Variants in RIF1 observed in about 807,000 individuals in gnomAD.
RIF1 encodes replication timing regulatory factor 1.
Under a neutral mutation model 247.1 loss-of-function variants are expected in RIF1, and 45 were observed. The observed-to-expected ratio is 0.18, with a 90% confidence interval of 0.14 to 0.23. The LOEUF is 0.23. Ranked by LOEUF, RIF1 falls within the 10% of genes least tolerant of loss-of-function variation. The probability of loss-of-function intolerance (pLI) is 1.00; values close to 1 mark genes in which losing one functional copy is unlikely to be tolerated. For missense variants in RIF1, 2,967 were observed against 2,862.5 expected, an observed-to-expected ratio of 1.04 and a Z score of -0.83; for synonymous variants, 1,087 against 978.8, an observed-to-expected ratio of 1.11 and a Z score of -2.06.
the RIF1 span, chr2:151,524,573 G>A: frequency 6.2e-7 from 1 of 1,607,832 alleles, no homozygotes; most frequent in Non-Finnish European, 8.5e-7. Context: ...ATCAGCCACT[G>A]TGGTGTAATG....
chr2:151,493,950 A>T, intron 9 of RIF1: 1 of 1,005,138 alleles, frequency 9.9e-7, no homozygotes, highest in Non-Finnish European at 1.5e-6. Context: ...GGGAAATGTT[A>T]TGTTTAATCT....
At position 151,496,976 on chromosome 2, in the gene RIF1, C is replaced by A; in HGVS notation, c.*513+1650C>A. 1.9e-6 allele frequency: 3 copies of A among 1,581,358 alleles called. No individual in the cohort carries two copies. Among genetic ancestry groups the A allele is most frequent in the African/African-American group, 1.3e-5 (1 of 74,462 alleles). On this transcript the variant is annotated intron_variant and NMD_transcript_variant, in intron 10 of 13. Coordinates refer to the RIF1 transcript ENST00000454583. Reference sequence around the variant, plus strand: ...TTTTCTTGATTGTGTTTGACTCTCTCCATCTCAGGAGTGACAGGTAGAGGG... The same window carrying A: ...TTTTCTTGATTGTGTTTGACTCTCTACATCTCAGGAGTGACAGGTAGAGGG...
the RIF1 span, chr2:151,518,464 T>C: frequency 6.6e-6 from 8 of 1,203,102 alleles, no homozygotes; most frequent in South Asian, 9.9e-5. Context: ...ATGGAGAAGC[T>C]GCTCAGCATT....
chr2:151,527,064 C>T, the RIF1 span: 1 of 1,339,740 alleles, frequency 7.5e-7, no homozygotes, highest in Non-Finnish European at 1.0e-6. Context: ...AGGGTGACAG[C>T]ACAGGAGGAA....
chr2:151,514,848 A>G, the RIF1 span: 71 of 1,585,022 alleles, frequency 4.5e-5, no homozygotes, highest in East Asian at 1.6e-3. Flanking sequence ...CATATTTGAC[A>G]TGTAACAAAG....
At chr2:151,519,790 C>A in the RIF1 span, 1 of 1,463,242 alleles carries the variant, frequency 6.8e-7, no homozygotes, top group South Asian at 1.1e-5. Flanking sequence ...TGCAAACATC[C>A]AAATTATTCC....
At chr2:151,421,653 T>G (rs919937878) in intron 7 of RIF1, among the ~76,000 whole-genome samples, 3 of 152,004 alleles carry the variant, frequency 2.0e-5, no homozygotes, top group Admixed American at 2.0e-4. Flanking sequence ...CAAGCAATCC[T>G]CCCACTTCAC....
intron 7 of RIF1, among the ~76,000 whole-genome samples, chr2:151,422,504 ATT>A (rs780843381): frequency 2.1e-5 from 3 of 141,134 alleles, no homozygotes; most frequent in Non-Finnish European, 3.1e-5. Context: ...TTTTGGGAAA[ATT>A]TTTTTTTTTT....
intron 13 of RIF1, 129 bp from the exon 14 acceptor site, chr2:151,438,555 A>G (rs994474817): frequency 3.0e-6 from 2 of 663,632 alleles, no homozygotes; most frequent in South Asian, 1.7e-5. Flanking sequence ...GTTGAGTATC[A>G]TGAGGAAAAT....
chr2:151,410,312 CCCGGGCGGGCGTGCGGGTGTGAGGG>C lies in RIF1; in HGVS notation c.-10-97_-10-73del, dbSNP rs1685917208. ...GTGCAGACGCGGCGTGGCTGTGAGG[CCCGGGCGGGCGTGCGGGTGTGAGGG>C]CCGGACTCACACTGGGCCGCCGCGG... On this transcript the variant is annotated intron_variant, in intron 1 of 35. Coordinates refer to ENST00000444746, the MANE Select transcript of RIF1 (RefSeq NM_018151.5). 4 of 874,160 alleles carry C rather than the reference CCCGGGCGGGCGTGCGGGTGTGAGGG, an allele frequency of 4.6e-6. No homozygotes were observed. In the Admixed American group the frequency reaches 6.6e-5, roughly 14 times the overall value. 54.2% of individuals were successfully genotyped at this position (874,160 alleles called of 1,614,324 possible).
chr2:151,518,406 T>G, the RIF1 span: 1 of 1,607,122 alleles, frequency 6.2e-7, no homozygotes, highest in Non-Finnish European at 8.5e-7. Context: ...CTTCTCATAC[T>G]TCTTCTTGTA....
rs140911493 is a variant in RIF1 at position 151,422,148 on chromosome 2, C to T, written c.694-802C>T. Among the ~76,000 whole-genome samples, 246 of 152,118 alleles carry T rather than the reference C, an allele frequency of 1.6e-3. 2 individuals are homozygous for T. The South Asian group carries it at 0.029, about 18-fold the overall frequency. ...CCTGACCATAAAATTCTTTCTTTAA[C>T]CCATTTATCAAGCTTGCAACAAAGC... On this transcript the variant is annotated intron_variant, in intron 7 of 35. Coordinates refer to ENST00000444746, the MANE Select transcript of RIF1 (RefSeq NM_018151.5).
intron 10 of RIF1, among the ~76,000 whole-genome samples, chr2:151,434,437 A>ATTTTTTTTTT (rs754795986): frequency 3.5e-4 from 37 of 107,014 alleles, no homozygotes; most frequent in East Asian, 5.7e-4. Context: ...TGGTTTTTGA[A>ATTTTTTTTTT]TTTTTTTTTT....
At chr2:151,471,523 A>G (rs2048523955) in intron 34 of RIF1, among the ~76,000 whole-genome samples, 1 of 152,166 alleles carries the variant, frequency 6.6e-6, no homozygotes, top group Non-Finnish European at 1.5e-5. Context: ...TAAATCTTTA[A>G]TCCATCTTGA....
At chr2:151,429,516 T>A (rs1422530618) in intron 9 of RIF1, among the ~76,000 whole-genome samples, 1 of 152,190 alleles carries the variant, frequency 6.6e-6, no homozygotes, top group African/African-American at 2.4e-5. Flanking sequence ...AGCACTGAGT[T>A]GAGTACTTTA....
rs571935637 is a variant in RIF1 at position 151,493,411 on chromosome 2, G to A, written c.*416-1818G>A. On this transcript the variant is annotated intron_variant and NMD_transcript_variant, in intron 9 of 13. Transcript: ENST00000454583. ...CTCCATCTCTGGAGTAACAGGTGTC[G>A]GAGTTGCTTTTCTCATGTTCTCTTT... The A allele has an allele frequency of 5.4e-5, 87 of 1,608,098 alleles. No homozygotes were observed. Among genetic ancestry groups the A allele is most frequent in the South Asian group, 5.4e-4 (48 of 89,234 alleles).
chr2:151,439,311 T>C (rs984589533), intron 14 of RIF1, among the ~76,000 whole-genome samples: 1 of 152,118 alleles, frequency 6.6e-6, no homozygotes, highest in Non-Finnish European at 1.5e-5. Context: ...ATTGTTGATT[T>C]AGAAAAAATA....
intron 20 of RIF1, among the ~76,000 whole-genome samples, chr2:151,450,194 C>CT (rs1384449633): frequency 6.6e-6 from 1 of 151,646 alleles, no homozygotes; most frequent in African/African-American, 2.4e-5. Context: ...TGGAAGGGTG[C>CT]TTTGTAATTT....
chr2:151,471,050 A>C (rs1264362265), intron 34 of RIF1, among the ~76,000 whole-genome samples: 1 of 152,092 alleles, frequency 6.6e-6, no homozygotes, highest in Non-Finnish European at 1.5e-5. Context: ...CCAGAGAAGA[A>C]ACACTGACCC....
Sources: allele counts gnomAD v4.1 joint callset (sites outside exome capture counted in the v4.1 genomes callset), GRCh38; gene constraint gnomAD v4.1.1; transcripts MANE v1.5; gene names NCBI Gene and HGNC (gene_info 2026-07-23, HGNC 2026-07-21).